Variants in VEZT observed in about 807,000 individuals in gnomAD.
The protein encoded by VEZT is vezatin.
VEZT carries 39 observed loss-of-function variants against 79.9 expected under a neutral mutation model. The ratio of observed to expected loss-of-function variants is 0.49; its 90% CI spans 0.38 to 0.64. The LOEUF (loss-of-function observed/expected upper bound fraction) is 0.64, where lower values mean the gene tolerates loss of function less well. Among genes scored for constraint, VEZT ranks in the 30% least tolerant of loss-of-function variants. The pLI is 0.00. For missense variants in VEZT, 837 were observed against 893.1 expected (o/e 0.94, Z 0.80); for synonymous variants, 325 against 327.6 (o/e 0.99, Z 0.09).
intron 1 of VEZT, among the ~76,000 whole-genome samples, chr12:95,230,100 G>A (rs572582877): frequency 2.4e-4 from 27 of 111,474 alleles, no homozygotes; most frequent in South Asian, 1.5e-3. Flanking sequence ...GAGAGATTCC[G>A]TCTCAAAAAA....
At chr12:95,237,963 T>G (rs2060416330) in intron 1 of VEZT, among the ~76,000 whole-genome samples, 1 of 152,186 alleles carries the variant, frequency 6.6e-6, no homozygotes, top group Admixed American at 6.5e-5. Context: ...TCTATGAAAC[T>G]TAAAGCCACC....
intron 7 of VEZT, among the ~76,000 whole-genome samples, chr12:95,280,839 A>G (rs2139222914): frequency 6.6e-6 from 1 of 152,312 alleles, no homozygotes; most frequent in East Asian, 1.9e-4. Context: ...ATAAAATTTA[A>G]CAGTTGAATA....
At chr12:95,295,988 A>G (rs2074057431) in intron 10 of VEZT, 63 bp from the exon 11 acceptor site, 2 of 1,210,456 alleles carry the variant, frequency 1.7e-6, no homozygotes, top group Non-Finnish European at 2.3e-6. Flanking sequence ...GTGCAAGTAA[A>G]TGAATGCTTA....
chr12:95,227,486 G>A (rs1399736287), intron 1 of VEZT, among the ~76,000 whole-genome samples: 1 of 151,968 alleles, frequency 6.6e-6, no homozygotes, highest in African/African-American at 2.4e-5. Flanking sequence ...GATTACAGGT[G>A]CATGCCACCA....
intron 1 of VEZT, among the ~76,000 whole-genome samples, chr12:95,241,449 C>T (rs188371054): frequency 4.1e-4 from 62 of 152,198 alleles, no homozygotes; most frequent in African/African-American, 1.3e-3. Flanking sequence ...GGACCAGAGG[C>T]GCACACCACC....
At chr12:95,251,824 C>G (rs1338915638) in intron 1 of VEZT, 116 bp from the exon 2 acceptor site, 112 of 802,918 alleles carry the variant, frequency 1.4e-4, no homozygotes, top group Non-Finnish European at 2.1e-4. Context: ...ATAGAAGAAG[C>G]CTTAAAGAAT....
intron 6 of VEZT, among the ~76,000 whole-genome samples, chr12:95,273,045 T>A (rs190436551): frequency 1.3e-5 from 2 of 152,240 alleles, no homozygotes; most frequent in African/African-American, 4.8e-5. Context: ...TCATTTCTTA[T>A]CAAAATAAAA....
chr12:95,271,932 C>G (rs2066690302), intron 6 of VEZT, among the ~76,000 whole-genome samples: 1 of 152,148 alleles, frequency 6.6e-6, no homozygotes, highest in African/African-American at 2.4e-5. Flanking sequence ...GTAACCCCAG[C>G]ACTTTCAGAG....
chr12:95,270,893 A>G (rs1028344331), intron 6 of VEZT, among the ~76,000 whole-genome samples: 1 of 152,226 alleles, frequency 6.6e-6, no homozygotes, highest in African/African-American at 2.4e-5. Flanking sequence ...TAGTAAAGAC[A>G]TATAGATAAG....
chr12:95,236,398 CAGAGGGAGACCGTGGAAAGAGAGGG>C (rs1317659053), intron 1 of VEZT, among the ~76,000 whole-genome samples: 5 of 152,052 alleles, frequency 3.3e-5, no homozygotes, highest in Admixed American at 2.0e-4. Context: ...GGCTCGGCAT[CAGAGGGAGACCGTGGAAAGAGAGGG>C]AGAGGGAGAC....
At chr12:95,282,007 T>G (rs370264682) in intron 7 of VEZT, among the ~76,000 whole-genome samples, 4 of 152,204 alleles carry the variant, frequency 2.6e-5, no homozygotes, top group South Asian at 4.1e-4. Flanking sequence ...GAAAATTTTT[T>G]TTAAATAATG....
At chr12:95,275,026 G>A in intron 7 of VEZT, 137 bp downstream of exon 7, 1 of 1,040,396 alleles carries the variant, frequency 9.6e-7, no homozygotes, top group East Asian at 2.7e-5. Context: ...CACGGGTGAT[G>A]TTTGTAACTC....
At chr12:95,239,981 A>AGG (rs1338480370) in intron 1 of VEZT, among the ~76,000 whole-genome samples, 1 of 129,854 alleles carries the variant, frequency 7.7e-6, no homozygotes, top group Non-Finnish European at 1.7e-5. Flanking sequence ...AGAGAGAGAG[A>AGG]GGAGAGAGAG....
chr12:95,255,294 C>T (rs1272428830), intron 2 of VEZT, among the ~76,000 whole-genome samples: 1 of 152,170 alleles, frequency 6.6e-6, no homozygotes, highest in Non-Finnish European at 1.5e-5. Context: ...CATTTCCAAT[C>T]GCGCTGACAT....
intron 9 of VEZT, among the ~76,000 whole-genome samples, chr12:95,291,834 C>T (rs2072916155): frequency 6.6e-6 from 1 of 152,102 alleles, no homozygotes; most frequent in African/African-American, 2.4e-5. Context: ...CTGTGTTGTG[C>T]AGGCTGGAGT....
At chr12:95,260,098 C>CT (rs56756447) in intron 3 of VEZT, among the ~76,000 whole-genome samples, 1,853 of 68,500 alleles carry the variant, frequency 0.027, 59 homozygotes, top group African/African-American at 0.034. Context: ...TGGTTGATCA[C>CT]TTTTTTTTTT....
chr12:95,288,373 A>AT (rs2071550294), intron 9 of VEZT, among the ~76,000 whole-genome samples: 1 of 152,080 alleles, frequency 6.6e-6, no homozygotes, highest in South Asian at 2.1e-4. Flanking sequence ...TAGGTAAAAA[A>AT]ATATATATAT....
At chr12:95,232,502 T>A (rs2059398710) in intron 1 of VEZT, among the ~76,000 whole-genome samples, 1 of 152,176 alleles carries the variant, frequency 6.6e-6, no homozygotes, top group African/African-American at 2.4e-5. Context: ...AGGTGGGAAG[T>A]CTGTGTTAAC....
At chr12:95,251,618 T>C (rs2062622361) in intron 1 of VEZT, among the ~76,000 whole-genome samples, 1 of 152,198 alleles carries the variant, frequency 6.6e-6, no homozygotes, top group African/African-American at 2.4e-5. Context: ...AATCTAAGAC[T>C]ATAAAATTTG....
Sources: gnomAD v4.1 joint callset for allele counts (sites outside exome capture counted in the v4.1 genomes callset) on GRCh38, gnomAD v4.1.1 for gene constraint, MANE v1.5 for transcripts, NCBI Gene and HGNC (gene_info 2026-07-23, HGNC 2026-07-21) for gene names.